The following KIF4A variants were observed in gnomAD, a reference collection of about 807,000 sequenced individuals.
KIF4A encodes kinesin family member 4A.
Under a neutral mutation model 105.9 loss-of-function variants are expected in KIF4A, and 7 were observed. The observed-to-expected ratio is 0.07, with a 90% CI of 0.04 to 0.12. The LOEUF (loss-of-function observed/expected upper bound fraction) is 0.12, where lower values mean the gene tolerates loss of function less well. Among genes scored for constraint, KIF4A ranks in the 10% least tolerant of loss-of-function variants. The pLI is 1.00. For missense variants in KIF4A, 558 were observed against 929.2 expected, an observed-to-expected ratio of 0.60 and a Z score of 5.19; for synonymous variants, 281 against 331.3, an observed-to-expected ratio of 0.85 and a Z score of 1.65.
chrX:70,412,434 A>G (rs2086325890), intron 28 of KIF4A, among the ~76,000 whole-genome samples: 1 of 111,747 alleles, frequency 8.9e-6, no homozygotes, highest in Non-Finnish European at 1.9e-5. Context: ...TGGATGAGGT[A>G]ACAGCATTTT....
intron 18 of KIF4A, among the ~76,000 whole-genome samples, chrX:70,382,740 C>T (rs1481127811): frequency 9.4e-6 from 1 of 105,911 alleles, no homozygotes; most frequent in African/African-American, 3.5e-5. Context: ...ATTGCTTGAG[C>T]CCAGGAAATT....
intron 13 of KIF4A, among the ~76,000 whole-genome samples, chrX:70,349,598 C>T (rs1290333765): frequency 4.1e-5 from 4 of 98,474 alleles, no homozygotes; most frequent in African/African-American, 1.5e-4. Context: ...AGATGCTCCT[C>T]ACATCCCAGA....
chrX:70,396,997 C>T (rs150642218), intron 22 of KIF4A, among the ~76,000 whole-genome samples: 1,916 of 110,349 alleles, frequency 0.017, 36 homozygotes, highest in African/African-American at 0.057. Flanking sequence ...CGCTTCAACC[C>T]GGGAGGCAGA....
At chrX:70,398,500 G>A (rs1011935147) in intron 22 of KIF4A, among the ~76,000 whole-genome samples, 2 of 112,028 alleles carry the variant, frequency 1.8e-5, no homozygotes, top group African/African-American at 6.5e-5. Context: ...ACTACATTTT[G>A]GAATAGATAA....
At chrX:70,331,688 A>T (rs2085931552) in intron 9 of KIF4A, among the ~76,000 whole-genome samples, 1 of 111,638 alleles carries the variant, frequency 9.0e-6, no homozygotes, top group Non-Finnish European at 1.9e-5. Context: ...GAAGCACAAT[A>T]AACTGAGATG....
At chrX:70,338,536 C>G (rs1451972241) in intron 10 of KIF4A, among the ~76,000 whole-genome samples, 1 of 111,987 alleles carries the variant, frequency 8.9e-6, no homozygotes, top group Non-Finnish European at 1.9e-5. Flanking sequence ...ATTTGTCCAT[C>G]CATTTACCAG....
intron 13 of KIF4A, among the ~76,000 whole-genome samples, chrX:70,350,158 C>T (rs1012045131): frequency 4.5e-5 from 5 of 110,738 alleles, no homozygotes; most frequent in East Asian, 2.9e-4. Context: ...GAGGTTGTAG[C>T]GAGCCGAGAT....
chrX:70,358,092 T>C (rs1373965899), intron 15 of KIF4A, among the ~76,000 whole-genome samples: 2 of 110,752 alleles, frequency 1.8e-5, no homozygotes, highest in Admixed American at 1.9e-4. Context: ...TTATTTTTTG[T>C]AGAGATGGGG....
chrX:70,309,935 C>G (rs1413540922), intron 7 of KIF4A, among the ~76,000 whole-genome samples: 2 of 112,015 alleles, frequency 1.8e-5, no homozygotes, highest in Non-Finnish European at 3.8e-5. Flanking sequence ...CCCAGCTACT[C>G]TGGTGGCTGA....
At chrX:70,405,044 C>T (rs1260345600) in intron 25 of KIF4A, among the ~76,000 whole-genome samples, 2 of 111,362 alleles carry the variant, frequency 1.8e-5, no homozygotes, top group African/African-American at 6.5e-5. Context: ...AATGGCAGCA[C>T]ATACTCCATA....
intron 22 of KIF4A, among the ~76,000 whole-genome samples, chrX:70,398,603 A>G (rs2086269198): frequency 8.9e-6 from 1 of 112,039 alleles, no homozygotes; most frequent in African/African-American, 3.2e-5. Context: ...GCCTTCCCTG[A>G]CTTTTTAATC....
At chrX:70,345,571 A>G (rs926975888) in intron 13 of KIF4A, among the ~76,000 whole-genome samples, 1 of 111,824 alleles carries the variant, frequency 8.9e-6, no homozygotes, top group Non-Finnish European at 1.9e-5. Context: ...AGCTTTATAG[A>G]GTAAAGAGAA....
rs943487617 is a variant in KIF4A at position 70,303,289 on chromosome X, C to T, written c.778+891C>T. Among the ~76,000 whole-genome samples the T allele has an allele frequency of 4.5e-5, 5 of 111,998 alleles. No homozygotes were observed. In the East Asian group the frequency reaches 1.1e-3, roughly 25 times the overall value. ...TTCTAGAATGTCTTTCTCTGTGATT[C>T]GTCAAAGATCATTGACATAGCTTCA... On this transcript the variant is annotated intron_variant, in intron 7 of 30. Coordinates refer to ENST00000374403, the MANE Select transcript of KIF4A (RefSeq NM_012310.5).
rs2086360642 is a variant in KIF4A, at chrX:70,420,094, G to A, written c.3528G>A (p.Val1176=). Reference sequence around the variant, plus strand: ...AAGAGATGTGCGATGTGGAGCAGGTGCTGTCAAAGAAGACTCCCCCAGCTC... The same window carrying A: ...AAGAGATGTGCGATGTGGAGCAGGTACTGTCAAAGAAGACTCCCCCAGCTC... ...ILKEMCDVEQ[V]LSKKTPPAPS... is the part of the protein sequence containing the mutation. Residue 1176 remains valine, a synonymous_variant, in exon 31 of 31, where the codon GTG becomes GTA. Transcript: ENST00000374403. 1 of 1,211,224 alleles carries A rather than the reference G, an allele frequency of 8.3e-7. No individual in the cohort carries two copies. The highest frequency in any genetic ancestry group is 1.7e-5 in the African/African-American group (1 of 57,700).
intron 9 of KIF4A, among the ~76,000 whole-genome samples, chrX:70,331,179 G>T (rs67104950): frequency 3.2e-4 from 1 of 3,118 alleles, no homozygotes; most frequent in Non-Finnish European, 6.8e-4. Context: ...TAGGGTTTTT[G>T]TGAGGGTTAA....
chrX:70,313,902 T>A (rs192123920), intron 7 of KIF4A, among the ~76,000 whole-genome samples: 1 of 112,773 alleles, frequency 8.9e-6, no homozygotes, highest in East Asian at 2.8e-4. Flanking sequence ...AGGATTTGAA[T>A]ATATTCTCCA....
At chrX:70,310,854 A>T (rs1415280157) in intron 7 of KIF4A, among the ~76,000 whole-genome samples, 1 of 111,474 alleles carries the variant, frequency 9.0e-6, no homozygotes, top group Admixed American at 9.6e-5. Context: ...GGCCAGTCAC[A>T]GAGGCTCACA....
At chrX:70,400,021 TC>T (rs2086274776) in intron 22 of KIF4A, among the ~76,000 whole-genome samples, 1 of 104,355 alleles carries the variant, frequency 9.6e-6, no homozygotes, top group Non-Finnish European at 1.9e-5. Context: ...TGCAACTAAC[TC>T]TTTTTTTTTT....
At chrX:70,412,644 C>T (rs1301149114) in intron 28 of KIF4A, among the ~76,000 whole-genome samples, 4 of 111,510 alleles carry the variant, frequency 3.6e-5, no homozygotes, top group East Asian at 2.8e-4. Flanking sequence ...CACTTCTGGC[C>T]GGGCGCCATG....
Sources: gnomAD v4.1 joint callset for allele counts (sites outside exome capture counted in the v4.1 genomes callset) on GRCh38, gnomAD v4.1.1 for gene constraint, MANE v1.5 for transcripts, NCBI Gene and HGNC (gene_info 2026-07-23, HGNC 2026-07-21) for gene names.